Variants in ADAMTS16 observed in about 807,000 individuals in gnomAD.
ADAMTS16 encodes ADAM metallopeptidase with thrombospondin type 1 motif 16, also known as A disintegrin and metalloproteinase with thrombospondin motifs 16.
ADAMTS16 carries 94 observed loss-of-function variants against 145.8 expected under a neutral mutation model. The ratio of observed to expected loss-of-function variants is 0.64; its 90% CI spans 0.55 to 0.77. The LOEUF (loss-of-function observed/expected upper bound fraction) is 0.77. Ranked by LOEUF, ADAMTS16 falls within the 30% of genes least tolerant of loss-of-function variation. The pLI is 0.00. For missense variants in ADAMTS16, 1,585 were observed against 1,591.5 expected (o/e 1.00, Z 0.07); for synonymous variants, 659 against 604.3 (o/e 1.09, Z -1.33).
At chr5:5,271,699 A>G (rs759312116) in intron 18 of ADAMTS16, among the ~76,000 whole-genome samples, 18 of 152,220 alleles carry the variant, frequency 1.2e-4, no homozygotes, top group Non-Finnish European at 1.5e-5. Context: ...TACAAGAGGA[A>G]ATGCTTTCCA....
At chr5:5,252,574 T>C (rs1418678161) in intron 17 of ADAMTS16, among the ~76,000 whole-genome samples, 6 of 152,142 alleles carry the variant, frequency 3.9e-5, no homozygotes, top group Non-Finnish European at 8.8e-5. Context: ...GCCCCCCTCA[T>C]ATGACTTTAA....
At chr5:5,239,630 C>A in intron 15 of ADAMTS16, 51 bp from the exon 16 acceptor site, 1 of 1,601,158 alleles carries the variant, frequency 6.2e-7, no homozygotes, top group South Asian at 1.1e-5. Flanking sequence ...AGAGATTTTG[C>A]CCCTGCTTTC....
Position 5,239,178 on chromosome 5 carries a change from T to G in ADAMTS16, c.2182T>G (p.Ser728Ala). 1.3e-6 allele frequency: 2 copies of G among 1,587,130 alleles called. No individual in the cohort carries two copies. Among genetic ancestry groups the G allele is most frequent in the Non-Finnish European group, 1.7e-6 (2 of 1,168,596 alleles). Residue 728 changes from serine (S) to alanine (A), a missense_variant, in exon 15 of 23, where the codon TCT becomes GCT. Physicochemically the swap from Ser to Ala is moderately conservative, Grantham distance 99. This residue lies in a region of ADAMTS16 where 834 missense variants were observed against 811.7 expected (regional missense o/e 1.03). Coordinates refer to ENST00000274181, the MANE Select transcript of ADAMTS16 (RefSeq NM_139056.4). ...AGTTGGATGTGACAATGTCCTTGGA[T>G]CTGATGCTGTTGAAGACGTCTGTGG... ...ERVGCDNVLG[S>A]DAVEDVCGVC...
chr5:5,194,151 G>T (rs933119188), intron 8 of ADAMTS16, among the ~76,000 whole-genome samples: 17 of 152,036 alleles, frequency 1.1e-4, no homozygotes, highest in African/African-American at 4.1e-4. Flanking sequence ...GAGTCCCATT[G>T]CTAATATAGG....
chr5:5,143,423 A>G (rs1010570068), intron 2 of ADAMTS16, among the ~76,000 whole-genome samples: 1 of 152,240 alleles, frequency 6.6e-6, no homozygotes, highest in Non-Finnish European at 1.5e-5. Flanking sequence ...TCAAAACAAC[A>G]ACGAGATACC....
At chr5:5,212,242 C>T (rs528592764) in intron 10 of ADAMTS16, among the ~76,000 whole-genome samples, 1 of 138,722 alleles carries the variant, frequency 7.2e-6, no homozygotes, top group Non-Finnish European at 1.5e-5. Flanking sequence ...GAGTCTTGCT[C>T]TGTCACCCAG....
At chr5:5,163,802 T>C (rs975003824) in intron 3 of ADAMTS16, among the ~76,000 whole-genome samples, 2 of 152,182 alleles carry the variant, frequency 1.3e-5, no homozygotes, top group Non-Finnish European at 2.9e-5. Context: ...AGTCAGATGG[T>C]GTCCTAGCAG....
At chr5:5,204,511 C>T (rs1207008883) in intron 9 of ADAMTS16, among the ~76,000 whole-genome samples, 1 of 152,204 alleles carries the variant, frequency 6.6e-6, no homozygotes, top group Non-Finnish European at 1.5e-5. Context: ...CAAAGGTAAC[C>T]ACCATCCTGA....
At chr5:5,290,108 T>G (rs935695661) in intron 18 of ADAMTS16, among the ~76,000 whole-genome samples, 2 of 152,238 alleles carry the variant, frequency 1.3e-5, no homozygotes, top group African/African-American at 4.8e-5. Context: ...AGGAAACATA[T>G]TTCCTTTCTC....
At chr5:5,147,621 G>C (rs780544637) in intron 3 of ADAMTS16, among the ~76,000 whole-genome samples, 1 of 152,174 alleles carries the variant, frequency 6.6e-6, no homozygotes, top group African/African-American at 2.4e-5. Context: ...CAGGGATAGG[G>C]TGGTGGTTAT....
intron 18 of ADAMTS16, among the ~76,000 whole-genome samples, chr5:5,270,134 A>C (rs1579361961): frequency 6.6e-6 from 1 of 152,344 alleles, no homozygotes. Flanking sequence ...GCCTGGGAGA[A>C]TCTTAAGGAG....
At position 5,303,655 on chromosome 5, in the gene ADAMTS16, G is replaced by T; in HGVS notation, c.3075G>T (p.Leu1025=). 1 of 1,613,986 alleles carries T rather than the reference G, an allele frequency of 6.2e-7. No homozygotes were observed. Among genetic ancestry groups the T allele is most frequent in the Non-Finnish European group, 8.5e-7 (1 of 1,180,016 alleles). ...STNPSARAQL[L]PDAVCTSEPK... is the part of the protein sequence containing the mutation. ...ACCCCTCGGCCAGAGCGCAGCTGCT[G>T]CCCGACGCTGTCTGCACCTCCGAGC... The change falls in exon 20 of 23, where the codon CTG becomes CTT. Residue 1025 remains leucine, a synonymous_variant. Coordinates refer to ENST00000274181, the MANE Select transcript of ADAMTS16 (RefSeq NM_139056.4).
intron 18 of ADAMTS16, among the ~76,000 whole-genome samples, chr5:5,265,201 C>T (rs1738190449): frequency 6.6e-6 from 1 of 152,202 alleles, no homozygotes; most frequent in South Asian, 2.1e-4. Flanking sequence ...GTGTCAAAGA[C>T]AAACAAAGCC....
intron 18 of ADAMTS16, among the ~76,000 whole-genome samples, chr5:5,297,436 A>T (rs6555345): frequency 0.07 from 10,577 of 152,170 alleles, 491 homozygotes; most frequent in African/African-American, 0.13. Context: ...CCCTTTTAAA[A>T]GGGAATGCAA....
In ADAMTS16 at chr5:5,269,324, C is replaced by T. The variant is rs1738377461; in HGVS notation, c.2789+6541C>T. Reference sequence around the variant, plus strand: ...AGCCTGGATACCCCCAACTCTTGACCCACTGTGCACATGGAGCTCAGCAGT... The same window carrying T: ...AGCCTGGATACCCCCAACTCTTGACTCACTGTGCACATGGAGCTCAGCAGT... On this transcript the variant is annotated intron_variant, in intron 18 of 22. Transcript: ENST00000274181. This position sits in a 1 kb window ranked among gnomAD's most constrained non-coding sequence, Gnocchi z 4.3. Among the ~76,000 whole-genome samples the T allele has an allele frequency of 6.6e-6, 1 of 152,092 alleles. No homozygotes were observed. The highest frequency in any genetic ancestry group is 1.5e-5 in the Non-Finnish European group (1 of 68,024).
intron 9 of ADAMTS16, among the ~76,000 whole-genome samples, chr5:5,202,550 G>C (rs6863394): frequency 0.9 from 136,550 of 152,202 alleles, 61,318 homozygotes; most frequent in African/African-American, 0.95. Flanking sequence ...TTTTCTCTCT[G>C]TGTGTGTGTA....
At chr5:5,247,136 C>T (rs1180480293) in intron 17 of ADAMTS16, among the ~76,000 whole-genome samples, 2 of 152,104 alleles carry the variant, frequency 1.3e-5, no homozygotes, top group Non-Finnish European at 2.9e-5. Context: ...GAGATCTTCC[C>T]CATCCTCACT....
At chr5:5,232,898 C>T (rs1421532175) in intron 12 of ADAMTS16, among the ~76,000 whole-genome samples, 8 of 152,102 alleles carry the variant, frequency 5.3e-5, no homozygotes, top group African/African-American at 1.4e-4. Context: ...CCATCGCGCC[C>T]GGCCTCAGCT....
chr5:5,300,725 G>A (rs112272745), intron 18 of ADAMTS16, among the ~76,000 whole-genome samples: 94 of 152,236 alleles, frequency 6.2e-4, no homozygotes, highest in African/African-American at 2.1e-3. Flanking sequence ...TCTCCTTCGA[G>A]GTTCTACCAC....
Sources: allele counts gnomAD v4.1 joint callset (sites outside exome capture counted in the v4.1 genomes callset), GRCh38; gene constraint gnomAD v4.1.1; regional missense constraint gnomAD v4.1.1; non-coding constraint Gnocchi (gnomAD v3.1); transcripts MANE v1.5; gene names NCBI Gene and HGNC (gene_info 2026-07-23, HGNC 2026-07-21).